Variants in CNTNAP4 observed in about 807,000 individuals in gnomAD.
CNTNAP4 encodes contactin-associated protein-like 4.
Under a neutral mutation model 148.4 loss-of-function variants are expected in CNTNAP4, and 98 were observed. The observed-to-expected ratio is 0.66, with a 90% CI of 0.56 to 0.78. The LOEUF is 0.78. CNTNAP4 is among the 30% of genes least tolerant of loss of function. CNTNAP4 has a pLI of 0.00. For missense variants in CNTNAP4, 1,935 were observed against 1,565.6 expected (o/e 1.24, Z -3.98); for synonymous variants, 730 against 565.1 (o/e 1.29, Z -4.14).
chr16:76,506,424 CTCCCT>C (rs551519097), intron 15 of CNTNAP4, among the ~76,000 whole-genome samples: 1,186 of 66,248 alleles, frequency 0.018, 131 homozygotes, highest in African/African-American at 0.055. Context: ...CCCTTCCTTC[CTCCCT>C]TCCCTTCCCT....
intron 20 of CNTNAP4, among the ~76,000 whole-genome samples, chr16:76,540,378 C>CT (rs1171390041): frequency 1.3e-5 from 2 of 151,864 alleles, no homozygotes; most frequent in Non-Finnish European, 2.9e-5. Context: ...CCTTTTGTAT[C>CT]TTTTTGTTGG....
At chr16:76,475,076 AGGAGGCAGAACCC>A (rs2081517803) in intron 10 of CNTNAP4, among the ~76,000 whole-genome samples, 1 of 152,082 alleles carries the variant, frequency 6.6e-6, no homozygotes, top group East Asian at 1.9e-4. Flanking sequence ...AGGAGAATAC[AGGAGGCAGAACCC>A]CTGCTTGAAC....
intron 4 of CNTNAP4, among the ~76,000 whole-genome samples, chr16:76,445,064 A>G (rs1346120247): frequency 6.6e-6 from 1 of 152,120 alleles, no homozygotes; most frequent in Non-Finnish European, 1.5e-5. Flanking sequence ...ATGACAGTGA[A>G]TGGGACAGTG....
chr16:76,358,743 C>T (rs979273158), intron 3 of CNTNAP4, among the ~76,000 whole-genome samples: 3 of 152,034 alleles, frequency 2.0e-5, no homozygotes, highest in African/African-American at 7.2e-5. Flanking sequence ...ATGTCAAGAT[C>T]AAAGTTAAGA....
intron 1 of CNTNAP4, among the ~76,000 whole-genome samples, chr16:76,291,518 G>T (rs1216371729): frequency 1.3e-5 from 2 of 152,084 alleles, no homozygotes; most frequent in East Asian, 1.9e-4. Flanking sequence ...CCCTTCCAAA[G>T]TACTTTCTTC....
In CNTNAP4 at chr16:76,521,215, G is replaced by T. The variant is rs375043528; in HGVS notation, c.2441G>T (p.Ser814Ile). 1 of 1,612,078 alleles carries T rather than the reference G, an allele frequency of 6.2e-7. No individual in the cohort carries two copies. Among genetic ancestry groups the T allele is most frequent in the Non-Finnish European group, 8.5e-7 (1 of 1,179,244 alleles). ...LHFPTFHGEL[S>I]ADVSFFFKTT... ...TTTCCTACCTTCCACGGAGAACTTAGCGCGGATGTATCTTTCTTTTTTAAG... is the reference window on the plus strand; with the variant it reads ...TTTCCTACCTTCCACGGAGAACTTATCGCGGATGTATCTTTCTTTTTTAAG... Residue 814 changes from serine to isoleucine, a missense_variant, in exon 16 of 24, where the codon AGC (serine) becomes ATC (isoleucine). Coordinates refer to ENST00000611870, the MANE Select transcript of CNTNAP4 (RefSeq NM_033401.5).
At chr16:76,557,611 C>A (rs1665177022) in intron 23 of CNTNAP4, 1 of 152,104 alleles carries the variant, frequency 6.6e-6, no homozygotes. Context: ...AATTGTCTGG[C>A]AGTGTAATGT....
chr16:76,295,976 C>T (rs1339990734), intron 1 of CNTNAP4, among the ~76,000 whole-genome samples: 1 of 152,098 alleles, frequency 6.6e-6, no homozygotes, highest in Non-Finnish European at 1.5e-5. Flanking sequence ...ACATGTGCCA[C>T]CATGGCCAGC....
intron 4 of CNTNAP4, among the ~76,000 whole-genome samples, chr16:76,438,204 G>A (rs1467973244): frequency 6.6e-6 from 1 of 152,188 alleles, no homozygotes; most frequent in South Asian, 2.1e-4. Context: ...GAGAGCAAGG[G>A]TCCGTGCTCC....
chr16:76,284,890 T>G (rs1167049604), intron 1 of CNTNAP4, among the ~76,000 whole-genome samples: 1 of 152,052 alleles, frequency 6.6e-6, no homozygotes, highest in Non-Finnish European at 1.5e-5. Context: ...TAAAGACCAA[T>G]CTGACATATA....
intron 1 of CNTNAP4, among the ~76,000 whole-genome samples, chr16:76,305,064 T>C (rs1016280522): frequency 2.0e-5 from 3 of 152,232 alleles, no homozygotes; most frequent in African/African-American, 7.2e-5. Flanking sequence ...TGTGTGAACA[T>C]AAGTTTTTAT....
At chr16:76,446,459 G>A (rs1002776981) in intron 4 of CNTNAP4, among the ~76,000 whole-genome samples, 12 of 152,080 alleles carry the variant, frequency 7.9e-5, no homozygotes, top group Non-Finnish European at 1.6e-4. Flanking sequence ...TCTTTTTAAT[G>A]TCTCTTGTTC....
At chr16:76,418,580 T>C (rs114820129) in intron 3 of CNTNAP4, among the ~76,000 whole-genome samples, 1,838 of 151,810 alleles carry the variant, frequency 0.012, 27 homozygotes, top group African/African-American at 0.036. Flanking sequence ...TCGATTACAT[T>C]ACCCATCTGT....
intron 1 of CNTNAP4, among the ~76,000 whole-genome samples, chr16:76,312,247 G>C (rs1237116372): frequency 6.6e-6 from 1 of 152,162 alleles, no homozygotes; most frequent in Non-Finnish European, 1.5e-5. Flanking sequence ...GATGCCAGAA[G>C]TATCCTCTCT....
At chr16:76,351,273 C>T (rs896884984) in intron 2 of CNTNAP4, among the ~76,000 whole-genome samples, 17 of 151,998 alleles carry the variant, frequency 1.1e-4, no homozygotes, top group Non-Finnish European at 2.1e-4. Context: ...GAGGGCTATG[C>T]GGTTTGGCGG....
chr16:76,451,674 C>G (rs554446064), intron 7 of CNTNAP4, among the ~76,000 whole-genome samples: 1 of 146,564 alleles, frequency 6.8e-6, no homozygotes, highest in African/African-American at 2.5e-5. Context: ...CTGCAAGGAC[C>G]ATTCACTCTT....
At position 76,364,701 on chromosome 16, in the gene CNTNAP4, G is replaced by T. The variant is rs547719907; in HGVS notation, c.390+9190G>T. 4.6e-5 allele frequency among the ~76,000 whole-genome samples: 7 copies of T among 152,166 alleles called. No homozygotes were observed. The East Asian group carries it at 1.4e-3, about 29-fold the overall frequency. On this transcript the variant is annotated intron_variant, in intron 3 of 23. Transcript: ENST00000611870. The stretch of plus-strand genomic sequence containing the variant: ...GAAGTGTTTCTTCATTGTTCCTTAG[G>T]ACCTAGACAAAACTAATACTTCCCA...
At chr16:76,327,682 C>T (rs1413093948) in intron 2 of CNTNAP4, among the ~76,000 whole-genome samples, 1 of 152,156 alleles carries the variant, frequency 6.6e-6, no homozygotes. Flanking sequence ...ATGGCCTTCC[C>T]CTGGGAGTCC....
chr16:76,522,896 G>A (rs1179562486), intron 17 of CNTNAP4, among the ~76,000 whole-genome samples: 1 of 151,520 alleles, frequency 6.6e-6, no homozygotes, highest in African/African-American at 2.4e-5. Context: ...CTGAGTAGCT[G>A]GGATTACAGG....
Sources: gnomAD v4.1 joint callset for allele counts (sites outside exome capture counted in the v4.1 genomes callset) on GRCh38, gnomAD v4.1.1 for gene constraint, MANE v1.5 for transcripts, NCBI Gene and HGNC (gene_info 2026-07-23, HGNC 2026-07-21) for gene names.